The following EPHX4 variants were observed in gnomAD, a reference collection of about 807,000 sequenced individuals.
EPHX4 encodes the protein epoxide hydrolase 4.
In EPHX4, 31 loss-of-function variants were observed where a neutral mutation model predicts 44.9. That is an observed-to-expected ratio of 0.69 (90% CI 0.52 to 0.93). The LOEUF (loss-of-function observed/expected upper bound fraction) is 0.93. EPHX4 is among the 40% of genes least tolerant of loss of function. The pLI is 0.00. For synonymous variants in EPHX4, 151 were observed against 159.7 expected (o/e 0.95, Z 0.41); for missense variants, 373 against 438.1 (o/e 0.85, Z 1.33).
chr1:92,034,193 G>A (rs1365155601), intron 2 of EPHX4, among the ~76,000 whole-genome samples: 17 of 150,200 alleles, frequency 1.1e-4, no homozygotes, highest in Admixed American at 2.7e-4. Flanking sequence ...CCAGCTACTC[G>A]GGAGGCTGAG....
rs1037541739 is a variant in EPHX4 at position 92,032,461 on chromosome 1, A to G, written c.232-44A>G. The G allele has an allele frequency of 4.2e-6, 6 of 1,417,592 alleles. No homozygotes were observed. The African/African-American group carries it at 7.1e-5, about 17-fold the overall frequency. The allele number at this position is 1,417,592 out of a possible 1,614,324, so 87.8% of individuals were successfully genotyped here. On this transcript the variant is annotated intron_variant, in intron 1 of 6. Transcript: ENST00000370383. Reference sequence around the variant, plus strand: ...GAAATGCTAAATATATTGCTTTGTCAATCAACACAAACATCACTAAAATTC... The same window carrying G: ...GAAATGCTAAATATATTGCTTTGTCGATCAACACAAACATCACTAAAATTC...
At chr1:92,051,990 A>C (rs1647269072) in intron 5 of EPHX4, among the ~76,000 whole-genome samples, 1 of 152,136 alleles carries the variant, frequency 6.6e-6, no homozygotes, top group South Asian at 2.1e-4. Flanking sequence ...TTTACAAACA[A>C]CTTTTAGAGT....
At chr1:92,055,343 G>A (rs1000702371) in intron 6 of EPHX4, among the ~76,000 whole-genome samples, 3 of 152,074 alleles carry the variant, frequency 2.0e-5, no homozygotes, top group Non-Finnish European at 4.4e-5. Context: ...AGTAAGAGAT[G>A]GAAAGTTACA....
rs536815474 is a variant in EPHX4 at position 92,049,749 on chromosome 1, T to A, written c.605-568T>A. ...GACCTTGGAGGAAAAGCAGCGTTGT[T>A]TGGGCTTCCTGTTCCCTTTTGAGTC... On this transcript the variant is annotated intron_variant, in intron 4 of 6. Coordinates refer to ENST00000370383, the MANE Select transcript of EPHX4 (RefSeq NM_173567.5). Among the ~76,000 whole-genome samples, 5 of 152,258 alleles carry A rather than the reference T, an allele frequency of 3.3e-5. No homozygotes were observed. In the South Asian group the frequency reaches 1.0e-3, roughly 32 times the overall value.
rs1443236494 is a variant in EPHX4 at position 92,063,177 on chromosome 1, G to C, written c.980G>C (p.Arg327Thr). Residue 327 changes from arginine (R) to threonine (T), a missense_variant, in exon 7 of 7, where the codon AGG (arginine) becomes ACG (threonine). Coordinates refer to ENST00000370383, the MANE Select transcript of EPHX4 (RefSeq NM_173567.5). ...VTKIYVKNYF[R>T]LTILSEASHW... ...AAGATTTATGTTAAAAACTATTTCAGGCTAACTATTTTGTCAGAAGCCAGT... is the reference window on the plus strand; with the variant it reads ...AAGATTTATGTTAAAAACTATTTCACGCTAACTATTTTGTCAGAAGCCAGT... The C allele has an allele frequency of 6.2e-7, 1 of 1,613,972 alleles. No individual in the cohort carries two copies. The highest frequency in any genetic ancestry group is 8.5e-7 in the Non-Finnish European group (1 of 1,180,032).
intron 3 of EPHX4, 172 bp downstream of exon 3, chr1:92,043,152 A>G: frequency 1.9e-6 from 1 of 536,860 alleles, no homozygotes; most frequent in Non-Finnish European, 3.2e-6. Context: ...GAAATTTAAA[A>G]TGATGCATCT....
At chr1:92,051,525 C>T (rs1647254240) in intron 5 of EPHX4, among the ~76,000 whole-genome samples, 1 of 151,944 alleles carries the variant, frequency 6.6e-6, no homozygotes, top group Non-Finnish European at 1.5e-5. Flanking sequence ...TTGGATTTGG[C>T]TGATTGCTTC....
intron 2 of EPHX4, among the ~76,000 whole-genome samples, chr1:92,041,372 T>A (rs987628782): frequency 1.7e-4 from 26 of 152,364 alleles, no homozygotes; most frequent in Non-Finnish European, 3.5e-4. Flanking sequence ...TAATCTTTTT[T>A]AAAAAACCTT....
chr1:92,057,605 GT>G (rs558423394), intron 6 of EPHX4, among the ~76,000 whole-genome samples: 4,009 of 144,134 alleles, frequency 0.028, 181 homozygotes, highest in African/African-American at 0.092. Flanking sequence ...AGGTAAGTTT[GT>G]TTTTTTTTTT....
chr1:92,044,647 T>G (rs1471753416), intron 3 of EPHX4, among the ~76,000 whole-genome samples: 1 of 152,192 alleles, frequency 6.6e-6, no homozygotes, highest in African/African-American at 2.4e-5. Flanking sequence ...TTTCCATTAC[T>G]TCAGTTTGAC....
At chr1:92,040,653 G>T (rs1688497441) in intron 2 of EPHX4, among the ~76,000 whole-genome samples, 1 of 151,806 alleles carries the variant, frequency 6.6e-6, no homozygotes, top group Admixed American at 6.6e-5. Flanking sequence ...TAGAGACAGG[G>T]TTTCACCATG....
At chr1:92,032,677 A>G (rs1688379141) in intron 2 of EPHX4, 87 bp downstream of exon 2, 1 of 1,094,306 alleles carries the variant, frequency 9.1e-7, no homozygotes, top group African/African-American at 1.6e-5. Flanking sequence ...AGAATATCAC[A>G]GTCTGGGTAA....
At chr1:92,040,400 A>G (rs1426052631) in intron 2 of EPHX4, among the ~76,000 whole-genome samples, 1 of 147,172 alleles carries the variant, frequency 6.8e-6, no homozygotes, top group African/African-American at 2.5e-5. Context: ...ACTGGAGTGC[A>G]GTGGGACGAT....
In EPHX4 at chr1:92,040,324, C is replaced by T. The variant is rs138544138; in HGVS notation, c.318-2499C>T. ...CTGAGTATATGGGACCACAGGCACA[C>T]GACACCATACTTAGCAAATTTTTTT... On this transcript the variant is annotated intron_variant, in intron 2 of 6. Transcript: ENST00000370383. Among the ~76,000 whole-genome samples, 750 of 148,436 alleles carry T rather than the reference C, an allele frequency of 5.1e-3. 11 individuals carry two copies. Among genetic ancestry groups the T allele is most frequent in the African/African-American group, 0.018 (705 of 40,234 alleles).
At chr1:92,048,450 C>T (rs753859039) in intron 4 of EPHX4, among the ~76,000 whole-genome samples, 2 of 152,128 alleles carry the variant, frequency 1.3e-5, no homozygotes, top group Non-Finnish European at 2.9e-5. Flanking sequence ...TGTTTCTGCC[C>T]TGTCAGGTCA....
chr1:92,048,574 A>G (rs1688614721), intron 4 of EPHX4, among the ~76,000 whole-genome samples: 1 of 152,196 alleles, frequency 6.6e-6, no homozygotes, highest in Non-Finnish European at 1.5e-5. Context: ...CTATAGTATA[A>G]CAATGGTATA....
intron 2 of EPHX4, among the ~76,000 whole-genome samples, chr1:92,039,064 A>G (rs560388838): frequency 2.0e-4 from 30 of 152,376 alleles, no homozygotes; most frequent in Middle Eastern, 6.8e-3. Context: ...GTATGTAGTA[A>G]GAATGGTATA....
chr1:92,060,628 A>C (rs146993283), intron 6 of EPHX4, among the ~76,000 whole-genome samples: 13 of 151,998 alleles, frequency 8.6e-5, no homozygotes, highest in African/African-American at 2.9e-4. Flanking sequence ...TTTAAAGAAA[A>C]GAATAGGTAG....
intron 6 of EPHX4, among the ~76,000 whole-genome samples, chr1:92,062,668 A>G (rs1334103074): frequency 6.6e-6 from 1 of 151,806 alleles, no homozygotes; most frequent in Admixed American, 6.6e-5. Context: ...CTTTTATTAT[A>G]CATTTTACTA....
Sources: allele counts gnomAD v4.1 joint callset (sites outside exome capture counted in the v4.1 genomes callset), GRCh38; gene constraint gnomAD v4.1.1; transcripts MANE v1.5; gene names NCBI Gene and HGNC (gene_info 2026-07-23, HGNC 2026-07-21).